Variants in ENO4 observed in about 807,000 individuals in gnomAD.
ENO4 encodes the protein 2-phospho-D-glycerate hydro-lyase.
Under a neutral mutation model 63.2 loss-of-function variants are expected in ENO4, and 53 were observed. The observed-to-expected ratio is 0.84, with a 90% CI of 0.67 to 1.05. ENO4 has a LOEUF of 1.05. Among genes scored for constraint, ENO4 ranks in the 50% least tolerant of loss-of-function variants. The pLI, the probability that ENO4 is intolerant of heterozygous loss-of-function variation, is 0.00. For missense variants in ENO4, 719 were observed against 772.0 expected (o/e 0.93, Z 0.81); for synonymous variants, 266 against 283.8 (o/e 0.94, Z 0.63).
At chr10:116,867,580 C>A (rs868781779) in intron 7 of ENO4, among the ~76,000 whole-genome samples, 1 of 152,090 alleles carries the variant, frequency 6.6e-6, no homozygotes, top group Non-Finnish European at 1.5e-5. Flanking sequence ...CAGAGTGAGA[C>A]CCTGTCTTTA....
At chr10:116,888,154 C>T (rs769407119) in intron 10 of ENO4, among the ~76,000 whole-genome samples, 3 of 152,196 alleles carry the variant, frequency 2.0e-5, no homozygotes, top group Admixed American at 6.5e-5. Context: ...TGGGGACAGG[C>T]TGTGCTGTAG....
In ENO4 at chr10:116,881,610, C is replaced by T. The variant is rs1234163410; in HGVS notation, c.1819C>T (p.Pro607Ser). The change falls in exon 14 of 14, where the codon CCC becomes TCC. Residue 607 changes from proline (P) to serine (S), a missense_variant. Pro to Ser is a moderately conservative substitution (Grantham distance 74, BLOSUM62 -1). This residue lies in a region of ENO4 where 168 missense variants were observed against 163.3 expected (regional missense o/e 1.03). Transcript: ENST00000341276. ...TGCTGCGGCTAGGGAGCCGCTGGTG[C>T]CCACCTTCCCCACACAAGGTGTAGA... is the stretch of plus-strand genomic sequence containing the variant. The part of the protein sequence containing the change: ...EAAAAREPLV[P>S]TFPTQGVEES... The T allele has an allele frequency of 6.4e-7, 1 of 1,550,398 alleles. No homozygotes were observed. The highest frequency in any genetic ancestry group is 1.2e-5 in the South Asian group (1 of 84,012).
At chr10:116,871,554 T>C (rs1047837006) in intron 9 of ENO4, among the ~76,000 whole-genome samples, 2 of 152,158 alleles carry the variant, frequency 1.3e-5, no homozygotes, top group African/African-American at 4.8e-5. Flanking sequence ...AATGAGTTAC[T>C]TACATTGCAA....
intron 1 of ENO4, among the ~76,000 whole-genome samples, chr10:116,853,517 G>A (rs915921108): frequency 6.6e-6 from 1 of 152,054 alleles, no homozygotes; most frequent in African/African-American, 2.4e-5. Context: ...TCCTATATAT[G>A]TCAGGCCCTG....
intron 1 of ENO4, among the ~76,000 whole-genome samples, chr10:116,854,810 G>A (rs1006915810): frequency 1.3e-5 from 2 of 151,356 alleles, no homozygotes; most frequent in Non-Finnish European, 1.5e-5. Context: ...GTGTGGTGGC[G>A]TGTGCCTATG....
At chr10:116,891,962 G>A (rs1205515215) in intron 10 of ENO4, among the ~76,000 whole-genome samples, 10 of 152,148 alleles carry the variant, frequency 6.6e-5, no homozygotes, top group Admixed American at 6.5e-4. Context: ...GGAAAAAGTA[G>A]ATTTAATTAT....
In ENO4 at chr10:116,904,884, T is replaced by C. The variant is rs372911147; in HGVS notation, c.1195-6615T>C. On this transcript the variant is annotated intron_variant, in intron 10 of 10. Coordinates refer to the ENO4 transcript ENST00000369207. ...AAATGTGAACGACAGAGCACTAAAA[T>C]GGCACATCAACAAAGTCCTTAAAAA... is the stretch of plus-strand genomic sequence containing the variant. Among the ~76,000 whole-genome samples the C allele has an allele frequency of 1.5e-3, 229 of 152,288 alleles. 4 individuals carry two copies. The South Asian group carries it at 0.045, about 30-fold the overall frequency.
chr10:116,879,319 T>C lies in ENO4; in HGVS notation c.1566T>C (p.Ser522=). The change falls in exon 12 of 14, where the codon AGT becomes AGC. Residue 522 remains serine, a synonymous_variant. Coordinates refer to ENST00000341276, the MANE Select transcript of ENO4 (RefSeq NM_001242699.2). ...DSKKHITVFG[S]TEGESSDDSL... is the part of the protein sequence containing the mutation. ...AGAAGCACATCACTGTCTTTGGAAG[T>C]ACAGAAGGAGAATCATCTGATGACA... The C allele has an allele frequency of 6.4e-7, 1 of 1,550,734 alleles. No homozygotes were observed. The highest frequency in any genetic ancestry group is 8.7e-7 in the Non-Finnish European group (1 of 1,146,918).
chr10:116,881,541 T>C lies in ENO4; in HGVS notation c.1750T>C (p.Tyr584His). 1 of 1,546,126 alleles carries C rather than the reference T, an allele frequency of 6.5e-7. No individual in the cohort carries two copies. The highest frequency in any genetic ancestry group is 8.7e-7 in the Non-Finnish European group (1 of 1,145,884). Residue 584 changes from tyrosine to histidine, a missense_variant, in exon 14 of 14, where the codon TAC (tyrosine) becomes CAC (histidine). Physicochemically the swap from Tyr to His is moderately conservative, Grantham distance 83. This residue lies in a region of ENO4 where 168 missense variants were observed against 163.3 expected (regional missense o/e 1.03). Transcript: ENST00000341276. Reference sequence around the variant, plus strand: ...TTTCAAAGAAGAACACACTTTTTTTTACTTTAATGAGGAAGCTGAAAAGGC... The same window carrying C: ...TTTCAAAGAAGAACACACTTTTTTTCACTTTAATGAGGAAGCTGAAAAGGC... ...LGFKEEHTFF[Y>H]FNEEAEKAAE...
At chr10:116,886,216 C>A, downstream of ENO4, 1 of 1,310,832 alleles carries the variant, frequency 7.6e-7, no homozygotes, top group Non-Finnish European at 1.0e-6. Flanking sequence ...AAAGTGACAC[C>A]AGAAAAGAAC....
chr10:116,911,377 C>T (rs755202960), intron 10 of ENO4: 35 of 1,307,626 alleles, frequency 2.7e-5, no homozygotes, highest in Non-Finnish European at 3.5e-5. Context: ...TGATATGAAG[C>T]TATTTGGGGA....
intron 10 of ENO4, chr10:116,906,561 A>T: frequency 6.8e-7 from 1 of 1,479,088 alleles, no homozygotes; most frequent in Non-Finnish European, 9.1e-7. Context: ...TTCATGTAAA[A>T]AGAGACTTAG....
chr10:116,886,245 G>C, downstream of ENO4: 4 of 1,485,546 alleles, frequency 2.7e-6, no homozygotes, highest in Middle Eastern at 4.1e-4. Flanking sequence ...TGAATACAGT[G>C]ACCAGAGCAG....
chr10:116,891,194 C>A (rs545218031), intron 10 of ENO4, among the ~76,000 whole-genome samples: 1 of 152,152 alleles, frequency 6.6e-6, no homozygotes, highest in Non-Finnish European at 1.5e-5. Flanking sequence ...AACTTTTAAG[C>A]GGTGAGAGTT....
At chr10:116,900,267 A>G (rs748766662) in intron 10 of ENO4, 4 of 460,056 alleles carry the variant, frequency 8.7e-6, no homozygotes, top group Non-Finnish European at 1.2e-5. Flanking sequence ...TAGAGCTTTA[A>G]GTAGATAAAT....
At chr10:116,861,239 A>ATC in intron 6 of ENO4, 49 bp downstream of exon 6, 1 of 341,720 alleles carries the variant, frequency 2.9e-6, no homozygotes, top group Non-Finnish European at 4.3e-6. Context: ...AAAAAAAAAT[A>ATC]TATATATATA....
chr10:116,862,698 T>G (rs1339453291), intron 6 of ENO4, 101 bp from the exon 7 acceptor site: 1 of 776,810 alleles, frequency 1.3e-6, no homozygotes, highest in East Asian at 2.7e-5. Flanking sequence ...AATCAGGGAC[T>G]CTACAAATAC....
At chr10:116,860,164 G>C (rs1440887372) in intron 4 of ENO4, among the ~76,000 whole-genome samples, 2 of 152,200 alleles carry the variant, frequency 1.3e-5, no homozygotes, top group African/African-American at 4.8e-5. Flanking sequence ...AGCTGTGAAG[G>C]AACGGACAAG....
chr10:116,892,466 C>T (rs988869848), intron 10 of ENO4, among the ~76,000 whole-genome samples: 1 of 152,136 alleles, frequency 6.6e-6, no homozygotes, highest in Non-Finnish European at 1.5e-5. Flanking sequence ...CACTCAGATT[C>T]CAGCTATTAA....
Sources: gnomAD v4.1 joint callset for allele counts (sites outside exome capture counted in the v4.1 genomes callset) on GRCh38, gnomAD v4.1.1 for gene constraint, gnomAD v4.1.1 regional missense constraint, MANE v1.5 for transcripts, NCBI Gene and HGNC (gene_info 2026-07-23, HGNC 2026-07-21) for gene names.